RFX8: variants seen among roughly 807,000 people sequenced by gnomAD.
The protein encoded by RFX8 is regulatory factor X8.
A neutral mutation model predicts 54.6 loss-of-function variants in RFX8; 46 were observed. The observed-to-expected ratio is 0.84, with a 90% CI of 0.67 to 1.08. The LOEUF (loss-of-function observed/expected upper bound fraction) is 1.08. RFX8 is among the 50% of genes least tolerant of loss of function. The probability of loss-of-function intolerance (pLI) is 0.00; values close to 1 mark genes in which losing one functional copy is unlikely to be tolerated. For missense variants in RFX8, 536 were observed against 562.3 expected (o/e 0.95, Z 0.47); for synonymous variants, 192 against 209.5 (o/e 0.92, Z 0.72).
chr2:101,455,273 A>T (rs901669513), intron 2 of RFX8, among the ~76,000 whole-genome samples: 3 of 152,040 alleles, frequency 2.0e-5, no homozygotes, highest in Non-Finnish European at 2.9e-5. Flanking sequence ...TCAGCCTCCT[A>T]AAGTGCTGGG....
At chr2:101,466,632 G>A in intron 2 of RFX8, 145 bp downstream of exon 2, 3 of 698,316 alleles carry the variant, frequency 4.3e-6, no homozygotes, top group Non-Finnish European at 7.8e-6. Flanking sequence ...ATTAGCTGAA[G>A]GATGTTGACC....
chr2:101,429,357 A>G (rs573597922), intron 2 of RFX8, among the ~76,000 whole-genome samples: 4 of 152,334 alleles, frequency 2.6e-5, no homozygotes, highest in African/African-American at 9.6e-5. Flanking sequence ...TGCATTTTAA[A>G]TGATTGATAC....
At chr2:101,472,603 A>C (rs1690071099) in intron 1 of RFX8, among the ~76,000 whole-genome samples, 1 of 152,236 alleles carries the variant, frequency 6.6e-6, no homozygotes, top group Non-Finnish European at 1.5e-5. Flanking sequence ...AGGGGTGTCC[A>C]ATCTTTTCTT....
At chr2:101,474,274 A>G (rs1295900676) in intron 1 of RFX8, 4 of 594,722 alleles carry the variant, frequency 6.7e-6, no homozygotes, top group Admixed American at 3.0e-5. Context: ...CCCCTCGGCC[A>G]TGGCTCGGCC....
At chr2:101,399,511 C>T (rs528581342) in intron 11 of RFX8, among the ~76,000 whole-genome samples, 24 of 152,220 alleles carry the variant, frequency 1.6e-4, no homozygotes, top group African/African-American at 5.5e-4. Flanking sequence ...TTGTTTCCAA[C>T]CATTAAATAT....
chr2:101,468,479 G>A (rs551753099), intron 1 of RFX8, among the ~76,000 whole-genome samples: 29 of 152,084 alleles, frequency 1.9e-4, no homozygotes, highest in African/African-American at 5.3e-4. Context: ...TAGTAGAGAC[G>A]GGGTTTTGCC....
intron 4 of RFX8, among the ~76,000 whole-genome samples, chr2:101,420,211 C>T (rs1271511240): frequency 6.6e-6 from 1 of 152,162 alleles, no homozygotes; most frequent in Non-Finnish European, 1.5e-5. Flanking sequence ...CATCAGCCTA[C>T]TTTCCCACCT....
At chr2:101,415,994 C>T (rs77356692) in intron 6 of RFX8, among the ~76,000 whole-genome samples, 1,609 of 152,322 alleles carry the variant, frequency 0.011, 45 homozygotes, top group East Asian at 0.094. Flanking sequence ...GACAGCCTGT[C>T]TAGTGTTGCT....
chr2:101,438,153 TCGAC>T (rs2148954059), intron 2 of RFX8, among the ~76,000 whole-genome samples: 1 of 152,326 alleles, frequency 6.6e-6, no homozygotes, highest in African/African-American at 2.4e-5. Flanking sequence ...AAATGGGGTA[TCGAC>T]CACTTCAAGC....
chr2:101,405,808 G>C (rs945910340), intron 10 of RFX8, 135 bp downstream of exon 10: 2 of 509,018 alleles, frequency 3.9e-6, no homozygotes, highest in South Asian at 3.4e-5. Context: ...ATGGTTTGCT[G>C]TATCTATGTT....
chr2:101,469,114 A>ATATG (rs1689820782), intron 1 of RFX8, among the ~76,000 whole-genome samples: 2 of 123,018 alleles, frequency 1.6e-5, no homozygotes, highest in African/African-American at 3.1e-5. Context: ...ATAAGTGTAT[A>ATATG]TATATATAAG....
At chr2:101,457,367 C>T (rs550993475) in intron 2 of RFX8, among the ~76,000 whole-genome samples, 1 of 152,316 alleles carries the variant, frequency 6.6e-6, no homozygotes, top group East Asian at 1.9e-4. Context: ...TCCCTCTACG[C>T]ACACTTTAAA....
chr2:101,400,770 C>A (rs1258988144), intron 11 of RFX8, among the ~76,000 whole-genome samples: 1 of 152,194 alleles, frequency 6.6e-6, no homozygotes, highest in African/African-American at 2.4e-5. Context: ...AACACTGCAG[C>A]CCAGCATGAA....
chr2:101,397,566 T>G lies in RFX8; in HGVS notation c.1404A>C (p.Glu468Asp). The change falls in exon 12 of 12, where the codon GAA (glutamate) becomes GAC (aspartate). Residue 468 changes from glutamate to aspartate, a missense_variant. Transcript: ENST00000428343. Reference sequence around the variant, plus strand: ...AATAATCTCACACATTAGCATTGTTTTCTCTGAAATAAATATCTTCAGAGC... The same window carrying G: ...AATAATCTCACACATTAGCATTGTTGTCTCTGAAATAAATATCTTCAGAGC... Reference protein sequence around the residue: ...PQSSEDIYFRENNANV With the variant: ...PQSSEDIYFRDNNANV 6.5e-7 allele frequency: 1 copy of G among 1,545,786 alleles called. No homozygotes were observed.
At chr2:101,440,415 A>G (rs1167641743) in intron 2 of RFX8, among the ~76,000 whole-genome samples, 1 of 152,214 alleles carries the variant, frequency 6.6e-6, no homozygotes, top group Non-Finnish European at 1.5e-5. Context: ...TTAGGAGTCT[A>G]TAATGTTGGC....
chr2:101,443,575 G>T (rs1688214687), intron 2 of RFX8, among the ~76,000 whole-genome samples: 1 of 152,094 alleles, frequency 6.6e-6, no homozygotes, highest in Non-Finnish European at 1.5e-5. Flanking sequence ...TTATTCTACA[G>T]ACAAGGATAG....
intron 2 of RFX8, among the ~76,000 whole-genome samples, chr2:101,432,374 C>A (rs1288109757): frequency 6.6e-6 from 1 of 152,162 alleles, no homozygotes; most frequent in Non-Finnish European, 1.5e-5. Flanking sequence ...AGGTCACCAG[C>A]ACCCTGAGTG....
At chr2:101,412,847 C>CGATGG in intron 8 of RFX8, 68 bp downstream of exon 8, 1 of 1,415,752 alleles carries the variant, frequency 7.1e-7, no homozygotes, top group Non-Finnish European at 9.5e-7. Flanking sequence ...CATGAGTTAA[C>CGATGG]GATGGCCATG....
intron 2 of RFX8, among the ~76,000 whole-genome samples, chr2:101,433,785 G>T (rs1687622495): frequency 1.3e-5 from 2 of 152,160 alleles, no homozygotes; most frequent in African/African-American, 4.8e-5. Flanking sequence ...TTCCGTGTCA[G>T]ATTTCAGAGC....
Sources: allele counts gnomAD v4.1 joint callset (sites outside exome capture counted in the v4.1 genomes callset), GRCh38; gene constraint gnomAD v4.1.1; transcripts MANE v1.5; gene names NCBI Gene and HGNC (gene_info 2026-07-23, HGNC 2026-07-21).